The following FANCI variants were observed in gnomAD, a reference collection of about 807,000 sequenced individuals.
FANCI encodes the protein Fanconi anemia group I protein.
A neutral mutation model predicts 176.1 loss-of-function variants in FANCI; 156 were observed. The observed-to-expected ratio is 0.89, with a 90% confidence interval of 0.78 to 1.01. The LOEUF (loss-of-function observed/expected upper bound fraction) is 1.01. Ranked by LOEUF, FANCI falls within the 50% of genes least tolerant of loss-of-function variation. FANCI has a pLI of 0.00. For missense variants in FANCI, 1,678 were observed against 1,534.1 expected (o/e 1.09, Z -1.57); for synonymous variants, 613 against 541.7 (o/e 1.13, Z -1.83).
At chr15:89,290,084 C>G (rs1222380090) in intron 18 of FANCI, 129 bp from the exon 19 acceptor site, 12 of 760,108 alleles carry the variant, frequency 1.6e-5, no homozygotes, top group Non-Finnish European at 2.6e-5. Flanking sequence ...GCATTTAGGA[C>G]TGTCAAATAT....
intron 28 of FANCI, among the ~76,000 whole-genome samples, chr15:89,304,293 T>C (rs1216238626): frequency 2.6e-5 from 4 of 152,210 alleles, no homozygotes; most frequent in Admixed American, 2.0e-4. Flanking sequence ...AAAAGAATTA[T>C]GATATATTCA....
chr15:89,260,097 A>G (rs1442786711), intron 3 of FANCI, among the ~76,000 whole-genome samples: 2 of 152,106 alleles, frequency 1.3e-5, no homozygotes, highest in Non-Finnish European at 2.9e-5. Context: ...ATTTTTTCAC[A>G]TCCTCATCAA....
At chr15:89,312,816 TAAA>T (rs11321073) in intron 34 of FANCI, 85 bp from the exon 35 acceptor site, 7,405 of 852,800 alleles carry the variant, frequency 8.7e-3, no homozygotes, top group Middle Eastern at 0.012. Context: ...AGCTCTGTCT[TAAA>T]AAAAAAAAAA....
At chr15:89,303,741 C>A (rs1023072775) in intron 27 of FANCI, 123 bp from the exon 28 acceptor site, 3 of 769,466 alleles carry the variant, frequency 3.9e-6, no homozygotes, top group Non-Finnish European at 6.9e-6. Flanking sequence ...CACTTGAGAT[C>A]TAAGGACATG....
In FANCI at chr15:89,260,592, G is replaced by A. The variant is rs11858046; in HGVS notation, c.158-121G>A. On this transcript the variant is annotated intron_variant, in intron 3 of 37. Coordinates refer to ENST00000310775, the MANE Select transcript of FANCI (RefSeq NM_001113378.2). ...CTTAACCATTGCTGTTCTAAGCACC[G>A]TAGTAATCAGTCGTTTGATAATTCT... 22,193 of 1,294,000 alleles carry A rather than the reference G, an allele frequency of 0.017. 2,450 individuals are homozygous for A. In the African/African-American group the frequency reaches 0.26, roughly 15 times the overall value. The allele number at this position is 1,294,000 out of a possible 1,614,324, so 80.2% of individuals were successfully genotyped here. A position where few individuals can be genotyped will look rare whatever the true frequency, so the allele number is the denominator to read the frequency against.
In FANCI at chr15:89,261,568, A is replaced by G. The variant is rs2052714114; in HGVS notation, c.289-17A>G. The G allele has an allele frequency of 1.9e-6, 3 of 1,613,972 alleles. No individual in the cohort carries two copies. The highest frequency in any genetic ancestry group is 8.5e-7 in the Non-Finnish European group (1 of 1,179,942). On this transcript the variant is annotated splice_polypyrimidine_tract_variant and intron_variant, in intron 4 of 37. Coordinates refer to ENST00000310775, the MANE Select transcript of FANCI (RefSeq NM_001113378.2). ...TGGATTTCTGCTTGAGATTTCCTTT[A>G]TCCTGTGAACTTTTAGGCTCACCAT...
At chr15:89,301,147 A>G (rs1312124428) in intron 26 of FANCI, among the ~76,000 whole-genome samples, 179 bp from the exon 27 acceptor site, 1 of 152,260 alleles carries the variant, frequency 6.6e-6, no homozygotes, top group African/African-American at 2.4e-5. Flanking sequence ...TTTATGGTCA[A>G]AAACAGCTTA....
At chr15:89,305,501 T>C (rs1365514281) in intron 30 of FANCI, 92 bp downstream of exon 30, 2 of 1,604,104 alleles carry the variant, frequency 1.2e-6, no homozygotes, top group Non-Finnish European at 1.7e-6. Flanking sequence ...GCGGCTTGTG[T>C]CCTGAGGCCT....
At chr15:89,286,054 G>A (rs2053803778) in intron 18 of FANCI, among the ~76,000 whole-genome samples, 2 of 152,016 alleles carry the variant, frequency 1.3e-5, no homozygotes, top group South Asian at 4.2e-4. Flanking sequence ...CACAATCTCG[G>A]TTCACTGCAG....
At chr15:89,289,013 G>GTT (rs543342512) in intron 18 of FANCI, among the ~76,000 whole-genome samples, 2 of 145,052 alleles carry the variant, frequency 1.4e-5, no homozygotes, top group African/African-American at 5.1e-5. Context: ...TTTCTTTGAG[G>GTT]TTTTTTTTTT....
chr15:89,244,253 C>T (rs1406745554), intron 1 of FANCI: 1 of 152,318 alleles, frequency 6.6e-6, no homozygotes, highest in African/African-American at 2.4e-5. Flanking sequence ...GGAGCCCCTT[C>T]TGTTAAATTC....
At chr15:89,303,780 A>C in intron 27 of FANCI, 84 bp from the exon 28 acceptor site, 1 of 1,195,844 alleles carries the variant, frequency 8.4e-7, no homozygotes, top group East Asian at 2.3e-5. Context: ...TTAGATATGG[A>C]AAGGTCTAGA....
chr15:89,255,329 C>G lies in FANCI; in HGVS notation c.85-3375C>G, dbSNP rs78607043. On this transcript the variant is annotated intron_variant, in intron 2 of 37. Transcript: ENST00000310775. ...CTGAGCTCTTGATGTCAGTGTTATT[C>G]CTGGTGATACTGACTTTGATAACCT... Among the ~76,000 whole-genome samples, 469 of 152,236 alleles carry G rather than the reference C, an allele frequency of 3.1e-3. 3 individuals are homozygous for G. The highest frequency in any genetic ancestry group is 0.011 in the African/African-American group (458 of 41,530).
chr15:89,291,739 C>T (rs766511345), intron 20 of FANCI, 25 bp downstream of exon 20: 1 of 1,577,964 alleles, frequency 6.3e-7, no homozygotes, highest in Admixed American at 1.7e-5. Flanking sequence ...CTTCCTTCAA[C>T]CATTATTTTT....
intron 17 of FANCI, 102 bp downstream of exon 17, chr15:89,283,352 A>G (rs1466875275): frequency 5.2e-5 from 81 of 1,548,158 alleles, no homozygotes; most frequent in Non-Finnish European, 1.4e-5. Flanking sequence ...TGTAAGAATG[A>G]TCCTAGAACT....
At chr15:89,312,110 C>T (rs2054988142) in intron 34 of FANCI, among the ~76,000 whole-genome samples, 1 of 152,150 alleles carries the variant, frequency 6.6e-6, no homozygotes. Context: ...CTGGTTTTGG[C>T]TTTGCTGAGT....
Position 89,293,974 on chromosome 15 carries a change from C to T in FANCI, c.2433C>T (p.Ser811=), listed in dbSNP as rs2054161466. ...GTCTTTTGTCCATGAAATTTGTGTCCAGTCTTCTCACTGCTCTTTTCAGGT... is the reference window on the plus strand; with the variant it reads ...GTCTTTTGTCCATGAAATTTGTGTCTAGTCTTCTCACTGCTCTTTTCAGGT... The part of the protein sequence containing the change: ...SDSLLSMKFV[S]SLLTALFRDS... Residue 811 remains serine, a synonymous_variant, in exon 23 of 38, where the codon TCC becomes TCT. Coordinates refer to ENST00000310775, the MANE Select transcript of FANCI (RefSeq NM_001113378.2). 2 of 1,614,004 alleles carry T rather than the reference C, an allele frequency of 1.2e-6. No individual in the cohort carries two copies. Among genetic ancestry groups the T allele is most frequent in the African/African-American group, 2.7e-5 (2 of 74,908 alleles).
chr15:89,284,368 C>T (rs543841886), intron 17 of FANCI, among the ~76,000 whole-genome samples: 1 of 152,108 alleles, frequency 6.6e-6, no homozygotes, highest in Non-Finnish European at 1.5e-5. Flanking sequence ...ACTAGGAATC[C>T]TCACTTTATT....
At chr15:89,316,077 T>C (rs978153051) in intron 37 of FANCI, among the ~76,000 whole-genome samples, 2 of 152,224 alleles carry the variant, frequency 1.3e-5, no homozygotes, top group Non-Finnish European at 2.9e-5. Flanking sequence ...TCCACTCTCT[T>C]TACCCACTTG....
Sources: gnomAD v4.1 joint callset for allele counts (sites outside exome capture counted in the v4.1 genomes callset) on GRCh38, gnomAD v4.1.1 for gene constraint, MANE v1.5 for transcripts, NCBI Gene and HGNC (gene_info 2026-07-23, HGNC 2026-07-21) for gene names.